SLC30A8: variants seen among roughly 807,000 people sequenced by gnomAD.
The protein encoded by SLC30A8 is solute carrier family 30 member 8.
Under a neutral mutation model 36.9 loss-of-function variants are expected in SLC30A8, and 27 were observed. The observed-to-expected ratio is 0.73, with a 90% CI of 0.54 to 1.01. SLC30A8 has a LOEUF of 1.01. Ranked by LOEUF, SLC30A8 falls within the 50% of genes least tolerant of loss-of-function variation. The pLI is 0.00. For synonymous variants in SLC30A8, 164 were observed against 172.4 expected (o/e 0.95, Z 0.38); for missense variants, 439 against 452.0 (o/e 0.97, Z 0.26).
intron 1 of SLC30A8, among the ~76,000 whole-genome samples, chr8:117,143,417 C>G (rs1392244811): frequency 2.0e-5 from 3 of 152,150 alleles, no homozygotes; most frequent in Admixed American, 2.0e-4. Context: ...TATTCATTAA[C>G]AGCAGATTCA....
chr8:117,020,893 G>A (rs989152412), intron 1 of SLC30A8, among the ~76,000 whole-genome samples: 11 of 152,078 alleles, frequency 7.2e-5, no homozygotes, highest in East Asian at 1.9e-4. Context: ...AATAATAAGC[G>A]ATAGACTTAA....
At chr8:117,172,031 G>C in intron 7 of SLC30A8, among the ~76,000 whole-genome samples, 1 of 152,080 alleles carries the variant, frequency 6.6e-6, no homozygotes, top group East Asian at 1.9e-4. Context: ...TGCTATGGAG[G>C]AGACTTTACA....
intron 2 of SLC30A8, among the ~76,000 whole-genome samples, chr8:117,083,994 T>A (rs964991720): frequency 1.3e-5 from 2 of 152,124 alleles, no homozygotes; most frequent in African/African-American, 4.8e-5. Flanking sequence ...CGCCCCAAGA[T>A]AAGAGCACAG....
chr8:116,962,022 A>G (rs1352286551), intron 1 of SLC30A8, among the ~76,000 whole-genome samples: 1 of 151,978 alleles, frequency 6.6e-6, no homozygotes, highest in African/African-American at 2.4e-5. Flanking sequence ...CAGTACTTGA[A>G]ATATCTAGTC....
At chr8:116,982,661 A>G (rs907871090) in intron 1 of SLC30A8, among the ~76,000 whole-genome samples, 1 of 152,148 alleles carries the variant, frequency 6.6e-6, no homozygotes, top group African/African-American at 2.4e-5. Flanking sequence ...TTTTTTCCCT[A>G]TCAGTCCAGA....
intron 2 of SLC30A8, among the ~76,000 whole-genome samples, chr8:117,054,699 T>C (rs1206108165): frequency 1.4e-5 from 2 of 147,218 alleles, no homozygotes; most frequent in East Asian, 2.0e-4. Flanking sequence ...GAATATCATT[T>C]TGATATGAGG....
intron 2 of SLC30A8, among the ~76,000 whole-genome samples, chr8:117,097,416 A>T (rs370195071): frequency 0.1 from 10,473 of 104,612 alleles, 1,294 homozygotes; most frequent in African/African-American, 0.28. Flanking sequence ...AAAAAAAAAA[A>T]AAATATATAT....
chr8:116,987,777 C>A (rs562424891), intron 1 of SLC30A8, among the ~76,000 whole-genome samples: 1 of 152,274 alleles, frequency 6.6e-6, no homozygotes, highest in East Asian at 1.9e-4. Flanking sequence ...CTCACTGCAA[C>A]CTCTGCTTCC....
chr8:117,141,520 A>G (rs147661938), intron 1 of SLC30A8, among the ~76,000 whole-genome samples: 376 of 152,290 alleles, frequency 2.5e-3, no homozygotes, highest in African/African-American at 8.7e-3. Flanking sequence ...CTTCTTCAAA[A>G]GCATCCATGA....
At chr8:116,972,119 G>T (rs995736054) in intron 1 of SLC30A8, among the ~76,000 whole-genome samples, 1 of 152,102 alleles carries the variant, frequency 6.6e-6, no homozygotes, top group African/African-American at 2.4e-5. Flanking sequence ...TAATACCTTT[G>T]TTCAAAAATT....
At chr8:117,134,285 G>C (rs1383657325), upstream of SLC30A8, among the ~76,000 whole-genome samples, 1 of 151,912 alleles carries the variant, frequency 6.6e-6, no homozygotes, top group East Asian at 1.9e-4. Flanking sequence ...TGGTGGTCTG[G>C]GGTTTACTCC....
chr8:117,157,601 A>G, intron 3 of SLC30A8, 90 bp from the exon 4 acceptor site: 1 of 1,424,994 alleles, frequency 7.0e-7, no homozygotes. Context: ...TTTTGGGGGA[A>G]GTGGCAAAGT....
chr8:117,073,616 ATTC>A (rs1271421897), intron 2 of SLC30A8, among the ~76,000 whole-genome samples: 9 of 152,204 alleles, frequency 5.9e-5, no homozygotes, highest in Non-Finnish European at 1.5e-5. Context: ...ATAGGCCACT[ATTC>A]TTTAAAAAAT....
intron 2 of SLC30A8, among the ~76,000 whole-genome samples, chr8:117,065,329 T>C (rs1818135867): frequency 6.6e-6 from 1 of 152,160 alleles, no homozygotes; most frequent in Admixed American, 6.6e-5. Context: ...GAAATGAGTT[T>C]AAAAATTACA....
intron 1 of SLC30A8, among the ~76,000 whole-genome samples, chr8:117,028,547 A>G (rs1816941046): frequency 8.1e-6 from 1 of 123,826 alleles, no homozygotes; most frequent in Admixed American, 8.0e-5. Flanking sequence ...TCTTCTCACC[A>G]CAGTTTTTTT....
intron 1 of SLC30A8, among the ~76,000 whole-genome samples, chr8:116,989,058 T>G (rs1815544121): frequency 6.6e-6 from 1 of 152,244 alleles, no homozygotes; most frequent in South Asian, 2.1e-4. Context: ...TAAGAAGAGA[T>G]AAATAGGCAG....
chr8:117,175,619 A>ATAAAT lies in SLC30A8; in HGVS notation c.*2941_*2945dup, dbSNP rs1226843608. 1 of 152,132 alleles carries ATAAAT rather than the reference A, an allele frequency of 6.6e-6. No homozygotes were observed. The highest frequency in any genetic ancestry group is 1.5e-5 in the Non-Finnish European group (1 of 68,004). 9.4% of individuals were successfully genotyped at this position (152,132 alleles called of 1,614,324 possible). On this transcript the variant is annotated 3_prime_UTR_variant, in exon 8 of 8. Transcript: ENST00000456015. Reference sequence around the variant, plus strand: ...CCCTATTCAAATGTGTGAGAGTTTAATAAATTAGGACACTTAAAAATGTTG... The same window carrying ATAAAT: ...CCCTATTCAAATGTGTGAGAGTTTAATAAATTAAATTAGGACACTTAAAAATGTTG...
At chr8:117,005,616 TA>T (rs1466436679) in intron 1 of SLC30A8, among the ~76,000 whole-genome samples, 1 of 152,236 alleles carries the variant, frequency 6.6e-6, no homozygotes, top group African/African-American at 2.4e-5. Flanking sequence ...GGTCATATGA[TA>T]ACTCTATGTT....
intron 2 of SLC30A8, among the ~76,000 whole-genome samples, chr8:117,152,300 A>T (rs775890530): frequency 2.0e-5 from 3 of 152,172 alleles, no homozygotes; most frequent in Non-Finnish European, 4.4e-5. Context: ...GAGGGAGCAC[A>T]TCAAATAAAG....
Sources: gnomAD v4.1 joint callset for allele counts (sites outside exome capture counted in the v4.1 genomes callset) on GRCh38, gnomAD v4.1.1 for gene constraint, MANE v1.5 for transcripts, NCBI Gene and HGNC (gene_info 2026-07-23, HGNC 2026-07-21) for gene names.